The following VPS50 variants were observed in gnomAD, a reference collection of about 807,000 sequenced individuals.
The protein encoded by VPS50 is syndetin.
In VPS50, 70 loss-of-function variants were observed where a neutral mutation model predicts 139.7. The observed-to-expected ratio is 0.50, with a 90% CI of 0.41 to 0.61. VPS50 has a LOEUF of 0.61. Ranked by LOEUF, VPS50 falls within the 20% of genes least tolerant of loss-of-function variation. The pLI, the probability that VPS50 is intolerant of heterozygous loss-of-function variation, is 0.00. For synonymous variants in VPS50, 365 were observed against 376.7 expected (o/e 0.97, Z 0.36); for missense variants, 921 against 1,133.7 (o/e 0.81, Z 2.69).
intron 11 of VPS50, 55 bp from the exon 12 acceptor site, chr7:93,276,110 A>T: frequency 6.8e-7 from 1 of 1,463,140 alleles, no homozygotes; most frequent in Non-Finnish European, 9.2e-7. Flanking sequence ...AATTTGTTGA[A>T]ATTTATTTAT....
intron 21 of VPS50, among the ~76,000 whole-genome samples, chr7:93,332,208 AT>A (rs1238276188): frequency 2.0e-5 from 3 of 152,178 alleles, no homozygotes; most frequent in Non-Finnish European, 4.4e-5. Context: ...TGGCCAATTC[AT>A]TTTCTGATGG....
At chr7:93,294,689 C>A in intron 14 of VPS50, 53 bp downstream of exon 14, 1 of 1,360,490 alleles carries the variant, frequency 7.4e-7, no homozygotes, top group South Asian at 1.3e-5. Context: ...AATGTCATGT[C>A]ATAGTTTTAG....
At chr7:93,283,152 A>G (rs180867320) in intron 12 of VPS50, among the ~76,000 whole-genome samples, 226 of 151,982 alleles carry the variant, frequency 1.5e-3, no homozygotes, top group Non-Finnish European at 2.7e-3. Flanking sequence ...GAAGACACAG[A>G]CTTCATATTC....
At chr7:93,334,338 C>T (rs1332202616) in intron 22 of VPS50, 141 bp downstream of exon 22, 2 of 588,776 alleles carry the variant, frequency 3.4e-6, no homozygotes, top group African/African-American at 3.8e-5. Context: ...GGAAGTAAAA[C>T]AGAGGTTGCT....
chr7:93,257,828 A>G (rs1164901018), intron 6 of VPS50: 1 of 245,046 alleles, frequency 4.1e-6, no homozygotes, highest in Admixed American at 5.2e-5. Flanking sequence ...AAGGAAAGAC[A>G]TAATACAGTC....
rs3764799 is a variant in VPS50, at chr7:93,355,993, C to G, written c.2688C>G (p.Pro896=). The change falls in exon 27 of 28, where the codon CCC becomes CCG. Residue 896 remains proline (P), a synonymous_variant. Coordinates refer to ENST00000305866, the MANE Select transcript of VPS50 (RefSeq NM_017667.4). Reference sequence around the variant, plus strand: ...TTGAAAAACTAACAGATATTAGACCCATTCCTGATAAAGAATTTGTAGAAA... The same window carrying G: ...TTGAAAAACTAACAGATATTAGACCGATTCCTGATAAAGAATTTGTAGAAA... ...MKLEKLTDIR[P]IPDKEFVETY... 2.5e-3 allele frequency: 3,980 copies of G among 1,581,758 alleles called. 80 individuals carry two copies. The East Asian group carries it at 0.052, about 21-fold the overall frequency.
intron 20 of VPS50, among the ~76,000 whole-genome samples, chr7:93,315,791 C>CT (rs909927808): frequency 1.3e-5 from 2 of 150,082 alleles, no homozygotes; most frequent in African/African-American, 4.9e-5. Flanking sequence ...GAAATCAGTT[C>CT]TTTTTTTGCC....
intron 4 of VPS50, among the ~76,000 whole-genome samples, chr7:93,255,866 C>T (rs116217811): frequency 0.011 from 1,668 of 152,216 alleles, 27 homozygotes; most frequent in African/African-American, 0.038. Flanking sequence ...CTGCTTCATG[C>T]CTCATGTGCT....
chr7:93,309,777 G>A (rs1003269162), intron 19 of VPS50, among the ~76,000 whole-genome samples: 2 of 151,838 alleles, frequency 1.3e-5, no homozygotes, highest in African/African-American at 4.8e-5. Flanking sequence ...CCTGATTCTG[G>A]AATGTTAAAA....
intron 21 of VPS50, among the ~76,000 whole-genome samples, chr7:93,328,347 C>T (rs942227363): frequency 3.3e-5 from 5 of 152,158 alleles, no homozygotes; most frequent in African/African-American, 1.2e-4. Context: ...TACGAAGGTT[C>T]TTACTTGACA....
At chr7:93,326,070 G>C (rs1312551361) in intron 21 of VPS50, among the ~76,000 whole-genome samples, 3 of 152,010 alleles carry the variant, frequency 2.0e-5, no homozygotes, top group Non-Finnish European at 2.9e-5. Flanking sequence ...ATGATAGACT[G>C]GATCAAGAAA....
chr7:93,333,591 A>G (rs1052373916), intron 21 of VPS50, among the ~76,000 whole-genome samples: 5 of 152,132 alleles, frequency 3.3e-5, no homozygotes, highest in Admixed American at 2.0e-4. Flanking sequence ...GTTTTTATAA[A>G]TGCTTTGGCT....
At chr7:93,322,133 A>G (rs73219918) in intron 20 of VPS50, among the ~76,000 whole-genome samples, 3,791 of 152,262 alleles carry the variant, frequency 0.025, 78 homozygotes, top group Non-Finnish European at 0.038. Flanking sequence ...TTTGATGTAT[A>G]TTTGTATTTG....
chr7:93,320,091 T>C (rs575116800), intron 20 of VPS50, among the ~76,000 whole-genome samples: 2 of 152,098 alleles, frequency 1.3e-5, no homozygotes, highest in Non-Finnish European at 2.9e-5. Context: ...AGATTTAAAA[T>C]AGAAGGCTTA....
At chr7:93,261,305 A>G (rs1795663564) in intron 9 of VPS50, among the ~76,000 whole-genome samples, 1 of 152,196 alleles carries the variant, frequency 6.6e-6, no homozygotes, top group Admixed American at 6.5e-5. Flanking sequence ...AACCACATAC[A>G]GTGTAATCAG....
chr7:93,276,165 A>G lies in VPS50; in HGVS notation c.802A>G (p.Thr268Ala). ...QAYRLLGKTQ[T>A]AMDQLHMHFT... Reference sequence around the variant, plus strand: ...GTTGTGCGTTTTTTTCTTTCCACAGACAGCAATGGATCAACTTCATATGCA... The same window carrying G: ...GTTGTGCGTTTTTTTCTTTCCACAGGCAGCAATGGATCAACTTCATATGCA... The change falls in exon 12 of 28, where the codon ACA (threonine) becomes GCA (alanine). Residue 268 changes from threonine to alanine, a missense_variant and splice_region_variant. Physicochemically the swap from Thr to Ala is moderately conservative, Grantham distance 58. Coordinates refer to ENST00000305866, the MANE Select transcript of VPS50 (RefSeq NM_017667.4). The G allele has an allele frequency of 6.3e-7, 1 of 1,595,550 alleles. No individual in the cohort carries two copies. Among genetic ancestry groups the G allele is most frequent in the Non-Finnish European group, 8.5e-7 (1 of 1,171,036 alleles).
At chr7:93,292,573 C>CT (rs761011848) in intron 13 of VPS50, among the ~76,000 whole-genome samples, 7 of 151,022 alleles carry the variant, frequency 4.6e-5, no homozygotes, top group East Asian at 1.9e-4. Context: ...TACTGCACAT[C>CT]TTTTTTTTTG....
At chr7:93,265,272 C>G (rs1294929503) in intron 9 of VPS50, among the ~76,000 whole-genome samples, 4 of 152,100 alleles carry the variant, frequency 2.6e-5, no homozygotes, top group African/African-American at 9.7e-5. Flanking sequence ...ATGGGCTTGG[C>G]AAACTGTCTT....
intron 12 of VPS50, among the ~76,000 whole-genome samples, chr7:93,284,860 A>G (rs1254203157): frequency 6.6e-6 from 1 of 152,220 alleles, no homozygotes; most frequent in African/African-American, 2.4e-5. Context: ...ACTATGCAGT[A>G]CTACCTCTCT....
Sources: allele counts gnomAD v4.1 joint callset (sites outside exome capture counted in the v4.1 genomes callset), GRCh38; gene constraint gnomAD v4.1.1; transcripts MANE v1.5; gene names NCBI Gene and HGNC (gene_info 2026-07-23, HGNC 2026-07-21).